The following RERGL variants were observed in gnomAD, a reference collection of about 807,000 sequenced individuals.
The protein encoded by RERGL is ras-related and estrogen-regulated growth inhibitor-like protein.
In RERGL, 22 loss-of-function variants were observed where a neutral mutation model predicts 24.7. That is an observed-to-expected ratio of 0.89 (90% CI 0.64 to 1.27). RERGL has a LOEUF of 1.27. Among genes scored for constraint, RERGL ranks in the 50% most tolerant of loss-of-function variants. RERGL has a pLI of 0.00. For missense variants in RERGL, 259 were observed against 235.3 expected, an observed-to-expected ratio of 1.10 and a Z score of -0.66; for synonymous variants, 76 against 82.6, an observed-to-expected ratio of 0.92 and a Z score of 0.43.
intron 3 of RERGL, 136 bp from the exon 4 acceptor site, chr12:18,084,801 T>A (rs1947204912): frequency 1.7e-6 from 1 of 597,036 alleles, no homozygotes; most frequent in Non-Finnish European, 2.7e-6. Context: ...TTCTAAAATA[T>A]AGTTCTGTTT....
chr12:18,085,489 G>T (rs1478565791), intron 3 of RERGL, 131 bp downstream of exon 3: 3 of 619,096 alleles, frequency 4.8e-6, no homozygotes, highest in African/African-American at 3.9e-5. Flanking sequence ...TAATTAAAAT[G>T]AGAAGAAACT....
rs143727240 is a variant in RERGL, at chr12:18,084,532, G to A, written c.317C>T (p.Thr106Ile). The A allele has an allele frequency of 1.3e-3, 2,011 of 1,605,890 alleles. 23 individuals carry two copies. The African/African-American group carries it at 0.024, about 19-fold the overall frequency. Residue 106 changes from threonine to isoleucine, a missense_variant, in exon 4 of 5, where the codon ACT becomes ATT. By Grantham distance (89) the Thr-to-Ile change is moderately conservative. Transcript: ENST00000538724. Reference sequence around the variant, plus strand: ...AATACCTTACCTTTTACAATGACTAGTTTGTGGCTCCCGGATTCTGTAGAT... The same window carrying A: ...AATACCTTACCTTTTACAATGACTAATTTGTGGCTCCCGGATTCTGTAGAT... ...ALIYRIREPQ[T>I]SHCKRAVESA...
intron 3 of RERGL, 47 bp downstream of exon 3, chr12:18,085,573 A>G (rs1433224354): frequency 7.9e-7 from 1 of 1,262,956 alleles, no homozygotes; most frequent in East Asian, 2.4e-5. Context: ...TTGCTAAAAA[A>G]TCAATCAATA....
chr12:18,084,701 T>A (rs1261562097), intron 3 of RERGL, 36 bp from the exon 4 acceptor site: 1 of 1,579,054 alleles, frequency 6.3e-7, no homozygotes, highest in Non-Finnish European at 8.6e-7. Context: ...AGTGGTGGGA[T>A]CTAATACCTG....
Position 18,081,126 on chromosome 12 carries a change from G to C in RERGL, c.*65C>G. ...AAAAAAAAATTGCATACAAAGGTTA[G>C]TTTAATTATCATGTGAATGTTTGAA... On this transcript the variant is annotated 3_prime_UTR_variant, in exon 5 of 5. Transcript: ENST00000538724. 6.9e-7 allele frequency: 1 copy of C among 1,447,982 alleles called. No individual in the cohort carries two copies. Among genetic ancestry groups the C allele is most frequent in the South Asian group, 1.4e-5 (1 of 71,928 alleles). 89.7% of individuals were successfully genotyped at this position (1,447,982 alleles called of 1,614,324 possible).
chr12:18,089,273 A>G, intron 1 of RERGL: 1 of 1,606,846 alleles, frequency 6.2e-7, no homozygotes. Flanking sequence ...GAGATGCAAG[A>G]AGTTTGACAT....
At chr12:18,088,796 G>A (rs1196155354) in intron 2 of RERGL, 104 bp downstream of exon 2, 16 of 769,696 alleles carry the variant, frequency 2.1e-5, no homozygotes, top group Non-Finnish European at 3.5e-5. Context: ...TGTTTCATAT[G>A]CATAAAAATG....
chr12:18,081,092 C>A lies in RERGL; in HGVS notation c.*99G>T, dbSNP rs1947165481. On this transcript the variant is annotated 3_prime_UTR_variant, in exon 5 of 5. Transcript: ENST00000538724. ...ATCATTTCATATCTCCAAGAGAATT[C>A]TTTTTACCAAAAAAAAATTGCATAC... 2 of 1,105,744 alleles carry A rather than the reference C, an allele frequency of 1.8e-6. No individual in the cohort carries two copies. Among genetic ancestry groups the A allele is most frequent in the Non-Finnish European group, 1.3e-6 (1 of 789,114 alleles). 68.5% of individuals were successfully genotyped at this position (1,105,744 alleles called of 1,614,324 possible).
At chr12:18,087,097 T>C (rs1947228166) in intron 2 of RERGL, among the ~76,000 whole-genome samples, 1 of 152,204 alleles carries the variant, frequency 6.6e-6, no homozygotes, top group Non-Finnish European at 1.5e-5. Flanking sequence ...GCTAACACTC[T>C]AGTCTCGACC....
At chr12:18,085,521 T>C in intron 3 of RERGL, 99 bp downstream of exon 3, 1 of 780,794 alleles carries the variant, frequency 1.3e-6, no homozygotes, top group South Asian at 1.7e-5. Flanking sequence ...ACCGCAACTT[T>C]TCACTTTTTT....
chr12:18,081,310 T>C lies in RERGL; in HGVS notation c.496A>G (p.Arg166Gly), dbSNP rs142532840. The C allele has an allele frequency of 6.2e-7, 1 of 1,614,178 alleles. No individual in the cohort carries two copies. Among genetic ancestry groups the C allele is most frequent in the African/African-American group, 1.3e-5 (1 of 75,058 alleles). The change falls in exon 5 of 5, where the codon AGA (arginine) becomes GGA (glycine). Residue 166 changes from arginine to glycine, a missense_variant. Transcript: ENST00000538724. The stretch of plus-strand genomic sequence containing the variant: ...TTTATCAGGATGTCCTTGATAATTC[T>C]GATAAACATCATTTCCACCTCCAGA... ...QSLEVEMMFI[R>G]IIKDILINFK... is the part of the protein sequence containing the mutation.
chr12:18,085,770 T>G, intron 2 of RERGL, 77 bp from the exon 3 acceptor site: 1 of 789,548 alleles, frequency 1.3e-6, no homozygotes, highest in Non-Finnish European at 2.1e-6. Context: ...ACTCACATTT[T>G]AGTGGAATCG....
chr12:18,081,994 G>T (rs576396120), intron 4 of RERGL, among the ~76,000 whole-genome samples: 20 of 152,154 alleles, frequency 1.3e-4, no homozygotes, highest in African/African-American at 4.8e-4. Context: ...CAAAAAATTA[G>T]CCTGGCGTGG....
intron 4 of RERGL, among the ~76,000 whole-genome samples, chr12:18,084,250 G>T (rs1947198217): frequency 6.6e-6 from 1 of 152,146 alleles, no homozygotes; most frequent in African/African-American, 2.4e-5. Flanking sequence ...CCATTATTTT[G>T]CAAGGGAGTG....
intron 4 of RERGL, among the ~76,000 whole-genome samples, chr12:18,084,034 G>A (rs1319037378): frequency 1.3e-5 from 2 of 152,086 alleles, no homozygotes; most frequent in Admixed American, 1.3e-4. Context: ...AGGTAAAATG[G>A]AGAAAAATGT....
At chr12:18,084,299 T>G (rs1947198577) in intron 4 of RERGL, among the ~76,000 whole-genome samples, 1 of 152,186 alleles carries the variant, frequency 6.6e-6, no homozygotes, top group Admixed American at 6.5e-5. Flanking sequence ...AAATAGCCAT[T>G]TACTCGGGGC....
intron 1 of RERGL, chr12:18,089,376 A>T: frequency 2.9e-6 from 4 of 1,389,124 alleles, no homozygotes; most frequent in Non-Finnish European, 2.8e-6. Context: ...TTATTTAAGG[A>T]TGTAGGGACC....
At chr12:18,087,933 G>A (rs1386874543) in intron 2 of RERGL, among the ~76,000 whole-genome samples, 1 of 152,048 alleles carries the variant, frequency 6.6e-6, no homozygotes, top group African/African-American at 2.4e-5. Context: ...TAATGTCATA[G>A]GGACTGAAAT....
chr12:18,082,022 C>A (rs11043841), intron 4 of RERGL, among the ~76,000 whole-genome samples: 1 of 151,926 alleles, frequency 6.6e-6, no homozygotes, highest in African/African-American at 2.4e-5. Context: ...CACTTGTAGT[C>A]CCAGCTACTC....
Sources: allele counts gnomAD v4.1 joint callset (sites outside exome capture counted in the v4.1 genomes callset), GRCh38; gene constraint gnomAD v4.1.1; transcripts MANE v1.5; gene names NCBI Gene and HGNC (gene_info 2026-07-23, HGNC 2026-07-21).